The following ALCAM variants were observed in gnomAD, a reference collection of about 807,000 sequenced individuals.
ALCAM encodes CD166 antigen.
A neutral mutation model predicts 70.9 loss-of-function variants in ALCAM; 30 were observed. The ratio of observed to expected loss-of-function variants is 0.42; its 90% confidence interval spans 0.32 to 0.57. The LOEUF is 0.57. Ranked by LOEUF, ALCAM falls within the 20% of genes least tolerant of loss-of-function variation. The probability of loss-of-function intolerance (pLI) is 0.11; values close to 1 mark genes in which losing one functional copy is unlikely to be tolerated. For synonymous variants in ALCAM, 249 were observed against 242.5 expected (o/e 1.03, Z -0.25); for missense variants, 591 against 695.1 (o/e 0.85, Z 1.68).
chr3:105,572,632 G>A (rs567500155), intron 15 of ALCAM, among the ~76,000 whole-genome samples: 17 of 152,150 alleles, frequency 1.1e-4, no homozygotes, highest in Non-Finnish European at 1.6e-4. Context: ...TGGTATTTCC[G>A]GTTCTATATC....
At chr3:105,381,261 G>A (rs971004491) in intron 1 of ALCAM, among the ~76,000 whole-genome samples, 1 of 151,832 alleles carries the variant, frequency 6.6e-6, no homozygotes. Context: ...CCCAAAATAC[G>A]ATTATACACC....
intron 1 of ALCAM, among the ~76,000 whole-genome samples, chr3:105,499,212 T>C (rs763547733): frequency 6.6e-6 from 1 of 152,214 alleles, no homozygotes; most frequent in African/African-American, 2.4e-5. Flanking sequence ...GGCAACCCTA[T>C]ATCTTTAATA....
At chr3:105,442,931 G>A (rs1167423250) in intron 1 of ALCAM, among the ~76,000 whole-genome samples, 5 of 152,202 alleles carry the variant, frequency 3.3e-5, no homozygotes, top group African/African-American at 1.2e-4. Flanking sequence ...CTGGGCTAAA[G>A]GGATCCTCCC....
intron 1 of ALCAM, among the ~76,000 whole-genome samples, chr3:105,478,188 CAA>C (rs1255563282): frequency 6.6e-6 from 1 of 151,996 alleles, no homozygotes; most frequent in Non-Finnish European, 1.5e-5. Context: ...AAATTCATCT[CAA>C]GAGTGTTGAA....
At chr3:105,493,195 G>T (rs945250339) in intron 1 of ALCAM, among the ~76,000 whole-genome samples, 1 of 151,976 alleles carries the variant, frequency 6.6e-6, no homozygotes, top group Non-Finnish European at 1.5e-5. Flanking sequence ...ACATAATTTG[G>T]TCTCTCAGTT....
chr3:105,540,675 G>A (rs1940094630), intron 7 of ALCAM, among the ~76,000 whole-genome samples: 1 of 151,994 alleles, frequency 6.6e-6, no homozygotes, highest in Non-Finnish European at 1.5e-5. Context: ...TAAGGATCTG[G>A]AAGCAGACAA....
intron 1 of ALCAM, among the ~76,000 whole-genome samples, chr3:105,518,882 A>G (rs1939454157): frequency 6.6e-6 from 1 of 151,944 alleles, no homozygotes; most frequent in Non-Finnish European, 1.5e-5. Flanking sequence ...AAAATTCTTA[A>G]CCTTAAATGA....
chr3:105,540,237 G>T, intron 7 of ALCAM, 135 bp downstream of exon 7: 2 of 839,876 alleles, frequency 2.4e-6, no homozygotes, highest in Admixed American at 6.3e-5. Flanking sequence ...TCACGTGGAA[G>T]CTTTTTCTGC....
In ALCAM at chr3:105,471,435, G is replaced by A. The variant is rs184664190; in HGVS notation, c.74-48632G>A. 5.3e-5 allele frequency among the ~76,000 whole-genome samples: 8 copies of A among 151,386 alleles called. 1 individual carries two copies. Among genetic ancestry groups the A allele is most frequent in the African/African-American group, 1.4e-4 (6 of 41,404 alleles). ...TGGAAAATGGGTCCAGGTAAAAGGG[G>A]TCAAGTTTAGCAAGACAAATTTGAT... On this transcript the variant is annotated intron_variant, in intron 1 of 15. Coordinates refer to ENST00000306107, the MANE Select transcript of ALCAM (RefSeq NM_001627.4).
chr3:105,541,342 A>G (rs958164625), intron 7 of ALCAM, among the ~76,000 whole-genome samples: 1 of 151,960 alleles, frequency 6.6e-6, no homozygotes, highest in Non-Finnish European at 1.5e-5. Flanking sequence ...TAAAAATAAA[A>G]CATTGGACTT....
chr3:105,432,068 CA>C (rs1265165600), intron 1 of ALCAM, among the ~76,000 whole-genome samples: 1 of 151,992 alleles, frequency 6.6e-6, no homozygotes, highest in East Asian at 1.9e-4. Context: ...ACATTTATGA[CA>C]GAATTAGACA....
At chr3:105,461,245 T>G (rs1421387320) in intron 1 of ALCAM, among the ~76,000 whole-genome samples, 1 of 151,744 alleles carries the variant, frequency 6.6e-6, no homozygotes, top group South Asian at 2.1e-4. Flanking sequence ...GTGACCAAAT[T>G]TGGTGTTTTT....
At chr3:105,560,843 C>A (rs949351156) in intron 14 of ALCAM, among the ~76,000 whole-genome samples, 3 of 152,116 alleles carry the variant, frequency 2.0e-5, no homozygotes, top group Admixed American at 6.5e-5. Flanking sequence ...TAGTATGAGA[C>A]TTTCAACTGT....
chr3:105,467,809 TC>T, intron 1 of ALCAM, among the ~76,000 whole-genome samples: 1 of 151,224 alleles, frequency 6.6e-6, no homozygotes, highest in South Asian at 2.1e-4. Flanking sequence ...AAATGAGGTA[TC>T]TCATTTTGCA....
At chr3:105,457,577 T>C (rs934779154) in intron 1 of ALCAM, among the ~76,000 whole-genome samples, 6 of 152,220 alleles carry the variant, frequency 3.9e-5, no homozygotes, top group Non-Finnish European at 8.8e-5. Context: ...TTTTTTTAAA[T>C]GTTAAGAAAA....
At chr3:105,476,036 C>A (rs182400256) in intron 1 of ALCAM, among the ~76,000 whole-genome samples, 1 of 151,926 alleles carries the variant, frequency 6.6e-6, no homozygotes, top group African/African-American at 2.4e-5. Flanking sequence ...CAGCCCTCCA[C>A]GAAAATGATT....
rs575389540 is a variant in ALCAM at position 105,574,653 on chromosome 3, G to A, written c.*202G>A. On this transcript the variant is annotated 3_prime_UTR_variant, in exon 16 of 16. Transcript: ENST00000306107. ...AATGAAATTTAATTACAAACAATAA[G>A]AACAAGTTTTGGCAGCCATGATAAT... is the stretch of plus-strand genomic sequence containing the variant. 44 of 152,576 alleles carry A rather than the reference G, an allele frequency of 2.9e-4. No homozygotes were observed. Among genetic ancestry groups the A allele is most frequent in the African/African-American group, 1.1e-3 (44 of 41,528 alleles). The allele number at this position is 152,576 out of a possible 1,614,324, so 9.5% of individuals were successfully genotyped here. A position where few individuals can be genotyped will look rare whatever the true frequency, so the allele number is the denominator to read the frequency against.
At chr3:105,417,862 C>G (rs1333567471) in intron 1 of ALCAM, among the ~76,000 whole-genome samples, 1 of 151,572 alleles carries the variant, frequency 6.6e-6, no homozygotes, top group Non-Finnish European at 1.5e-5. Flanking sequence ...TGTCAATATT[C>G]TTGGAGTGAT....
At chr3:105,399,441 T>C (rs973129845) in intron 1 of ALCAM, among the ~76,000 whole-genome samples, 17 of 152,086 alleles carry the variant, frequency 1.1e-4, no homozygotes, top group Admixed American at 7.9e-4. Context: ...TTATTACCCA[T>C]ATATCAAATA....
Sources: allele counts gnomAD v4.1 joint callset (sites outside exome capture counted in the v4.1 genomes callset), GRCh38; gene constraint gnomAD v4.1.1; transcripts MANE v1.5; gene names NCBI Gene and HGNC (gene_info 2026-07-23, HGNC 2026-07-21).